Variants in B3GALT1 observed in about 807,000 individuals in gnomAD.
B3GALT1 encodes the protein UDP-Gal:betaGlcNAc beta 1,3-galactosyltransferase, polypeptide 1.
A neutral mutation model predicts 23.2 loss-of-function variants in B3GALT1; 10 were observed. The observed-to-expected ratio is 0.43, with a 90% confidence interval of 0.27 to 0.73. B3GALT1 has a LOEUF of 0.73. Ranked by LOEUF, B3GALT1 falls within the 30% of genes least tolerant of loss-of-function variation. B3GALT1 has a pLI of 0.21. For missense variants in B3GALT1, 299 were observed against 405.4 expected, an observed-to-expected ratio of 0.74 and a Z score of 2.25; for synonymous variants, 156 against 141.5, an observed-to-expected ratio of 1.10 and a Z score of -0.73.
chr2:167,549,802 C>A (rs1370370325), intron 2 of B3GALT1, among the ~76,000 whole-genome samples: 1 of 152,132 alleles, frequency 6.6e-6, no homozygotes, highest in South Asian at 2.1e-4. Flanking sequence ...CCATTAAAGT[C>A]ATGTAATTTT....
intron 1 of B3GALT1, among the ~76,000 whole-genome samples, chr2:167,402,503 A>G (rs1698208807): frequency 6.6e-6 from 1 of 152,156 alleles, no homozygotes; most frequent in African/African-American, 2.4e-5. Flanking sequence ...ATTGGTTGCA[A>G]GTTAATAGCT....
intron 1 of B3GALT1, among the ~76,000 whole-genome samples, chr2:167,296,827 G>A (rs1350662550): frequency 3.9e-5 from 6 of 151,998 alleles, no homozygotes; most frequent in Admixed American, 3.9e-4. Context: ...ATATTCTATT[G>A]GGGTGCAATA....
At chr2:167,402,267 G>C (rs541919646) in intron 1 of B3GALT1, among the ~76,000 whole-genome samples, 1 of 151,854 alleles carries the variant, frequency 6.6e-6, no homozygotes, top group South Asian at 2.1e-4. Flanking sequence ...AAATAATAGC[G>C]TGTCATCAAT....
intron 3 of B3GALT1, among the ~76,000 whole-genome samples, chr2:167,678,607 C>G (rs1028079104): frequency 6.6e-6 from 1 of 152,070 alleles, no homozygotes; most frequent in Admixed American, 6.6e-5. Context: ...TTCATGGGCT[C>G]AGTCCACGGA....
intron 3 of B3GALT1, among the ~76,000 whole-genome samples, chr2:167,718,344 A>C (rs1224535748): frequency 6.6e-6 from 1 of 152,176 alleles, no homozygotes; most frequent in Non-Finnish European, 1.5e-5. Context: ...ATCAAATATC[A>C]TCTTTGTTCT....
At position 167,689,033 on chromosome 2, in the gene B3GALT1, C is replaced by T. The variant is rs190156419; in HGVS notation, c.-352+42067C>T. Reference sequence around the variant, plus strand: ...AATACTTTTTAGAAAATTTGACTGGCTTTGGGGAGGAGTCAAATCTTACTA... The same window carrying T: ...AATACTTTTTAGAAAATTTGACTGGTTTTGGGGAGGAGTCAAATCTTACTA... On this transcript the variant is annotated intron_variant, in intron 3 of 4. Transcript: ENST00000392690. Among the ~76,000 whole-genome samples the T allele has an allele frequency of 7.9e-5, 12 of 151,626 alleles. No individual in the cohort carries two copies. The East Asian group carries it at 1.9e-3, about 25-fold the overall frequency.
intron 1 of B3GALT1, among the ~76,000 whole-genome samples, chr2:167,457,154 G>T (rs1699184787): frequency 6.6e-6 from 1 of 151,982 alleles, no homozygotes; most frequent in South Asian, 2.1e-4. Flanking sequence ...GTTTATCACA[G>T]TCAGTTTCAT....
intron 2 of B3GALT1, among the ~76,000 whole-genome samples, chr2:167,553,296 A>G (rs558699678): frequency 6.6e-6 from 1 of 152,332 alleles, no homozygotes; most frequent in South Asian, 2.1e-4. Flanking sequence ...TTTATCTGAC[A>G]TAGCCAAATT....
At chr2:167,661,423 A>G (rs1374523810) in intron 3 of B3GALT1, among the ~76,000 whole-genome samples, 3 of 152,004 alleles carry the variant, frequency 2.0e-5, no homozygotes, top group Non-Finnish European at 4.4e-5. Context: ...CTTCAAACTG[A>G]TGAAAATTCT....
intron 3 of B3GALT1, among the ~76,000 whole-genome samples, chr2:167,791,679 A>G (rs1032730452): frequency 5.3e-5 from 8 of 152,234 alleles, no homozygotes; most frequent in African/African-American, 1.4e-4. Context: ...AGAGAAAACT[A>G]TAAATTATTT....
At chr2:167,527,289 T>C (rs1015850409) in intron 2 of B3GALT1, among the ~76,000 whole-genome samples, 1 of 152,144 alleles carries the variant, frequency 6.6e-6, no homozygotes, top group African/African-American at 2.4e-5. Flanking sequence ...CTCAATATTA[T>C]GAACTTGGAA....
intron 4 of B3GALT1, among the ~76,000 whole-genome samples, chr2:167,836,691 TC>T (rs1438109143): frequency 1.3e-5 from 2 of 152,004 alleles, no homozygotes; most frequent in East Asian, 3.9e-4. Context: ...ACAAAGATAA[TC>T]CTCAAGAAGA....
chr2:167,652,376 T>C (rs1485366831), intron 3 of B3GALT1, among the ~76,000 whole-genome samples: 3 of 152,194 alleles, frequency 2.0e-5, no homozygotes, highest in Non-Finnish European at 4.4e-5. Context: ...ACTGTGACAT[T>C]TTGTAGCTCA....
At chr2:167,369,934 T>A (rs1007111140) in intron 1 of B3GALT1, among the ~76,000 whole-genome samples, 8 of 152,114 alleles carry the variant, frequency 5.3e-5, no homozygotes, top group Non-Finnish European at 1.0e-4. Flanking sequence ...TAAAAAAAAA[T>A]GTTCCAGGTC....
Position 167,796,226 on chromosome 2 carries a change from A to T in B3GALT1, c.-351-22446A>T, listed in dbSNP as rs141215627. Among the ~76,000 whole-genome samples, 4 of 152,284 alleles carry T rather than the reference A, an allele frequency of 2.6e-5. No individual in the cohort carries two copies. In the East Asian group the frequency reaches 7.7e-4, roughly 29 times the overall value. ...CTGGCTGCCAGGAAGCTCAATGCAA[A>T]TCTAAACAAGGCCTGTGGCCATTCG... is the stretch of plus-strand genomic sequence containing the variant. On this transcript the variant is annotated intron_variant, in intron 3 of 4. Coordinates refer to ENST00000392690, the MANE Select transcript of B3GALT1 (RefSeq NM_020981.4).
intron 1 of B3GALT1, among the ~76,000 whole-genome samples, chr2:167,430,565 G>C (rs1489939650): frequency 4.6e-5 from 7 of 152,100 alleles, no homozygotes; most frequent in African/African-American, 1.4e-4. Context: ...AAGATAGTCA[G>C]CATCTGGAGT....
intron 1 of B3GALT1, among the ~76,000 whole-genome samples, chr2:167,376,667 C>T (rs1473042177): frequency 6.6e-6 from 1 of 152,050 alleles, no homozygotes; most frequent in South Asian, 2.1e-4. Flanking sequence ...TTTTGAGTTT[C>T]TGTGAGATTC....
At chr2:167,845,962 G>A (rs1689750391) in intron 4 of B3GALT1, among the ~76,000 whole-genome samples, 1 of 152,086 alleles carries the variant, frequency 6.6e-6, no homozygotes, top group Non-Finnish European at 1.5e-5. Flanking sequence ...AAAATGCTCT[G>A]GAAAGTGTCA....
intron 2 of B3GALT1, among the ~76,000 whole-genome samples, chr2:167,525,753 G>A (rs1683208733): frequency 6.6e-6 from 1 of 150,482 alleles, no homozygotes; most frequent in African/African-American, 2.4e-5. Flanking sequence ...GACCATAGGT[G>A]CATGCCACCA....
Sources: gnomAD v4.1 joint callset for allele counts (sites outside exome capture counted in the v4.1 genomes callset) on GRCh38, gnomAD v4.1.1 for gene constraint, MANE v1.5 for transcripts, NCBI Gene and HGNC (gene_info 2026-07-23, HGNC 2026-07-21) for gene names.